Variants in PCDHGB1 observed in about 807,000 individuals in gnomAD.
PCDHGB1 encodes protocadherin gamma subfamily B, 1.
In PCDHGB1, 34 loss-of-function variants were observed where a neutral mutation model predicts 56.6. The ratio of observed to expected loss-of-function variants is 0.60; its 90% CI spans 0.46 to 0.80. The LOEUF is 0.80. Ranked by LOEUF, PCDHGB1 falls within the 30% of genes least tolerant of loss-of-function variation. PCDHGB1 has a pLI of 0.00. For missense variants in PCDHGB1, 1,278 were observed against 1,204.6 expected (o/e 1.06, Z -0.90); for synonymous variants, 561 against 505.9 (o/e 1.11, Z -1.46).
Position 141,350,163 on chromosome 5 carries a change from C to T in PCDHGB1, c.-98C>T. 1.8e-6 allele frequency: 2 copies of T among 1,140,904 alleles called. No homozygotes were observed. Among genetic ancestry groups the T allele is most frequent in the Non-Finnish European group, 2.3e-6 (2 of 852,938 alleles). The allele number at this position is 1,140,904 out of a possible 1,614,324, so 70.7% of individuals were successfully genotyped here. A position where few individuals can be genotyped will look rare whatever the true frequency, so the allele number is the denominator to read the frequency against. ...CTCCTGTTCACCCTCGAGCGCCTAA[C>T]TAATAAGTCCTAAGCTCAAATCACA... is the stretch of plus-strand genomic sequence containing the variant. On this transcript the variant is annotated 5_prime_UTR_variant, in exon 1 of 4. Transcript: ENST00000523390.
rs747437039 is a variant in PCDHGB1 at position 141,413,919 on chromosome 5, G to T, written c.2409+61250G>T. The T allele has an allele frequency of 1.2e-5, 19 of 1,613,284 alleles. 1 individual carries two copies. The highest frequency in any genetic ancestry group is 1.6e-5 in the Non-Finnish European group (19 of 1,179,890). ...ATGACAACGCGCCGGTCTTCACCTT[G>T]CCAGAATACCGAGTGAGTGTTCCTG... On this transcript the variant is annotated intron_variant, in intron 1 of 3. Transcript: ENST00000523390.
chr5:141,399,092 G>C (rs573118488), intron 1 of PCDHGB1: 1 of 1,613,810 alleles, frequency 6.2e-7, no homozygotes, highest in East Asian at 2.2e-5. Context: ...GATGGTGGTG[G>C]ACTGGTTGCA....
chr5:141,422,997 C>G, intron 1 of PCDHGB1: 1 of 1,614,218 alleles, frequency 6.2e-7, no homozygotes, highest in South Asian at 1.1e-5. Flanking sequence ...ACCTGGTGAC[C>G]AAGGTGGTTG....
chr5:141,401,830 T>C (rs950842785), intron 1 of PCDHGB1, among the ~76,000 whole-genome samples: 4 of 152,216 alleles, frequency 2.6e-5, no homozygotes, highest in Admixed American at 1.3e-4. Context: ...TGCTGAGATT[T>C]CTTATAATAC....
At chr5:141,357,518 C>A in intron 1 of PCDHGB1, 1 of 1,614,246 alleles carries the variant, frequency 6.2e-7, no homozygotes, top group Non-Finnish European at 8.5e-7. Flanking sequence ...TTCTCCCAAC[C>A]CAGCTATGCA....
At chr5:141,422,040 C>T (rs1045003805) in intron 1 of PCDHGB1, 10 of 1,611,324 alleles carry the variant, frequency 6.2e-6, no homozygotes, top group African/African-American at 4.0e-5. Context: ...CGGATCCAGA[C>T]GAGGGAATCA....
intron 1 of PCDHGB1, chr5:141,364,516 C>A: frequency 6.2e-7 from 1 of 1,614,002 alleles, no homozygotes; most frequent in Non-Finnish European, 8.5e-7. Context: ...TGGCGGAGCG[C>A]GGAGTCCGCA....
intron 1 of PCDHGB1, among the ~76,000 whole-genome samples, chr5:141,468,186 A>G (rs2099159540): frequency 6.6e-6 from 1 of 151,848 alleles, no homozygotes; most frequent in African/African-American, 2.4e-5. Context: ...TTTGCTGGGC[A>G]TGGTGGCGGG....
At chr5:141,415,688 T>A (rs373105795) in intron 1 of PCDHGB1, 395 of 1,545,880 alleles carry the variant, frequency 2.6e-4, no homozygotes, top group Non-Finnish European at 3.3e-4. Context: ...GGCATGATGG[T>A]GGAAAGTGTA....
At chr5:141,366,925 T>G in intron 1 of PCDHGB1, 1 of 999,204 alleles carries the variant, frequency 1.0e-6, no homozygotes, top group Non-Finnish European at 1.4e-6. Context: ...TCAAATTCTG[T>G]TTTGGGAAGT....
At chr5:141,468,755 A>G (rs918829539) in intron 1 of PCDHGB1, among the ~76,000 whole-genome samples, 3 of 151,976 alleles carry the variant, frequency 2.0e-5, no homozygotes, top group African/African-American at 7.2e-5. Flanking sequence ...AGTCCCAGCT[A>G]CTCGGGAGGC....
In PCDHGB1 at chr5:141,490,951, T is replaced by C. The variant is rs778168052; in HGVS notation, c.2410-3856T>C. 20 of 1,613,640 alleles carry C rather than the reference T, an allele frequency of 1.2e-5. No homozygotes were observed. Among genetic ancestry groups the C allele is most frequent in the Middle Eastern group, 1.6e-4 (1 of 6,084 alleles). On this transcript the variant is annotated intron_variant, in intron 1 of 3. Coordinates refer to ENST00000523390, the MANE Select transcript of PCDHGB1 (RefSeq NM_018922.3). This position sits in a 1 kb window ranked among gnomAD's most constrained non-coding sequence, Gnocchi z 5.4. The stretch of plus-strand genomic sequence containing the variant: ...AGCTGTGCTGCACCCACGGCCAGAC[T>C]GGGAACACTCAGCCCCCCAGCGTCT...
In PCDHGB1 at chr5:141,448,679, G is replaced by A. The variant is rs113043083; in HGVS notation, c.2410-46128G>A. On this transcript the variant is annotated intron_variant, in intron 1 of 3. Coordinates refer to ENST00000523390, the MANE Select transcript of PCDHGB1 (RefSeq NM_018922.3). Reference sequence around the variant, plus strand: ...ATATTGGCCGGGCGCGGTGGCTCACGCCTGTAATCGCAGCACTTTGGGAGG... The same window carrying A: ...ATATTGGCCGGGCGCGGTGGCTCACACCTGTAATCGCAGCACTTTGGGAGG... Among the ~76,000 whole-genome samples the A allele has an allele frequency of 8.3e-3, 1,260 of 152,126 alleles. 17 individuals are homozygous for A. Among genetic ancestry groups the A allele is most frequent in the African/African-American group, 0.029 (1,195 of 41,496 alleles).
chr5:141,444,238 C>T (rs1011385887), intron 1 of PCDHGB1, among the ~76,000 whole-genome samples: 6 of 125,052 alleles, frequency 4.8e-5, no homozygotes, highest in Non-Finnish European at 9.4e-5. Context: ...ATGGCATGCT[C>T]TCGGCTCACT....
chr5:141,356,361 A>G, intron 1 of PCDHGB1: 1 of 1,558,136 alleles, frequency 6.4e-7, no homozygotes, highest in Non-Finnish European at 8.7e-7. Flanking sequence ...GTTCTATTCC[A>G]GATAATCTGC....
Position 141,491,000 on chromosome 5 carries a change from C to T in PCDHGB1, c.2410-3807C>T. 6.2e-7 allele frequency: 1 copy of T among 1,614,142 alleles called. No homozygotes were observed. The highest frequency in any genetic ancestry group is 1.1e-5 in the South Asian group (1 of 91,086). On this transcript the variant is annotated intron_variant, in intron 1 of 3. Transcript: ENST00000523390. The surrounding 1 kb of genome is among the most constrained non-coding windows in gnomAD (Gnocchi z 5.4). ...CTCCCTCGCTCTGCTCCTCCTGGCTCCTTGGTCACCAAGGTGACAGCCGTG... is the reference window on the plus strand; with the variant it reads ...CTCCCTCGCTCTGCTCCTCCTGGCTTCTTGGTCACCAAGGTGACAGCCGTG...
intron 1 of PCDHGB1, among the ~76,000 whole-genome samples, chr5:141,436,923 T>C (rs2097854286): frequency 6.6e-6 from 1 of 152,224 alleles, no homozygotes; most frequent in African/African-American, 2.4e-5. Flanking sequence ...GAGTGTTACT[T>C]TTTCTTTGTC....
chr5:141,505,413 C>T lies in PCDHGB1; in HGVS notation c.2489C>T (p.Thr830Ile), dbSNP rs1240988786. ...CCCAGCTCCCAAAATGGCGATGACA[C>T]CGGCACCTGGCCCAACAACCAGTTT... is the stretch of plus-strand genomic sequence containing the variant. ...GTSGSQNGDD[T>I]GTWPNNQFDT... Residue 830 changes from threonine to isoleucine, a missense_variant, in exon 3 of 4, where the codon ACC becomes ATC. By Grantham distance (89) the Thr-to-Ile change is moderately conservative. Coordinates refer to ENST00000523390, the MANE Select transcript of PCDHGB1 (RefSeq NM_018922.3). 10 of 1,614,202 alleles carry T rather than the reference C, an allele frequency of 6.2e-6. No homozygotes were observed. Among genetic ancestry groups the T allele is most frequent in the Non-Finnish European group, 7.6e-6 (9 of 1,180,046 alleles).
At position 141,351,667 on chromosome 5, in the gene PCDHGB1, A is replaced by G. The variant is rs758441794; in HGVS notation, c.1407A>G (p.Gln469=). 4 of 1,613,910 alleles carry G rather than the reference A, an allele frequency of 2.5e-6. No homozygotes were observed. The highest frequency in any genetic ancestry group is 3.3e-5 in the Admixed American group (2 of 60,012). Residue 469 remains glutamine (Q), a synonymous_variant, in exon 1 of 4, where the codon CAA becomes CAG. Transcript: ENST00000523390. The stretch of plus-strand genomic sequence containing the variant: ...ACCCACCTGGCGCCTCCATTGCACA[A>G]GTAAGCGCCTCCGACCCGGATTTGG... ...ENNPPGASIA[Q]VSASDPDLGP...
Sources: gnomAD v4.1 joint callset for allele counts (sites outside exome capture counted in the v4.1 genomes callset) on GRCh38, gnomAD v4.1.1 for gene constraint, Gnocchi (gnomAD v3.1) non-coding constraint, MANE v1.5 for transcripts, NCBI Gene and HGNC (gene_info 2026-07-23, HGNC 2026-07-21) for gene names.